MAX: variants seen among roughly 807,000 people sequenced by gnomAD.
MAX encodes protein max.
Under a neutral mutation model 22.3 loss-of-function variants are expected in MAX, and 3 were observed. That is an observed-to-expected ratio of 0.13 (90% confidence interval 0.06 to 0.35). The LOEUF (loss-of-function observed/expected upper bound fraction) is 0.35. MAX is among the 10% of genes least tolerant of loss of function. MAX has a pLI of 1.00. For synonymous variants in MAX, 72 were observed against 77.7 expected, an observed-to-expected ratio of 0.93 and a Z score of 0.39; for missense variants, 119 against 209.4, an observed-to-expected ratio of 0.57 and a Z score of 2.66.
intron 3 of MAX, among the ~76,000 whole-genome samples, chr14:65,024,208 A>C (rs895481618): frequency 3.9e-5 from 6 of 152,220 alleles, no homozygotes; most frequent in African/African-American, 1.2e-4. Flanking sequence ...AAGTTTGAGA[A>C]GCACTGATAC....
rs1240967361 is a variant in MAX, at chr14:65,012,054, A to G, written c.172-5770T>C. On this transcript the variant is annotated intron_variant, in intron 3 of 3. Coordinates refer to the MAX transcript ENST00000341653. The surrounding 1 kb of genome is among the most constrained non-coding windows in gnomAD (Gnocchi z 5.0). ...CTCATTGCGGCTTTTCCGTTAGCCC[A>G]AAGTCACTGCCTTTAGGAGACAATC... The G allele has an allele frequency of 7.5e-6, 3 of 398,900 alleles. No homozygotes were observed. The highest frequency in any genetic ancestry group is 5.5e-5 in the South Asian group (2 of 36,434). 24.7% of individuals were successfully genotyped at this position (398,900 alleles called of 1,614,324 possible).
chr14:65,023,413 C>T lies in MAX; in HGVS notation c.172-17129G>A, dbSNP rs1053443260. ...TCACCTAAGAGTCCCAAGTAAACTC[C>T]TTATAAGGCTGAGAGGCAATCGCTG... On this transcript the variant is annotated intron_variant, in intron 3 of 3. Transcript: ENST00000341653. This position sits in a 1 kb window ranked among gnomAD's most constrained non-coding sequence, Gnocchi z 4.1. Among the ~76,000 whole-genome samples, 16 of 152,178 alleles carry T rather than the reference C, an allele frequency of 1.1e-4. No individual in the cohort carries two copies. Among genetic ancestry groups the T allele is most frequent in the African/African-American group, 3.6e-4 (15 of 41,442 alleles).
chr14:65,094,611 C>A (rs979063865), intron 2 of MAX, among the ~76,000 whole-genome samples: 4 of 152,222 alleles, frequency 2.6e-5, no homozygotes, highest in Non-Finnish European at 4.4e-5. Context: ...ATCTAAATAT[C>A]CAAGTCAAAG....
At chr14:65,095,170 A>C (rs527540179) in intron 2 of MAX, among the ~76,000 whole-genome samples, 2 of 152,380 alleles carry the variant, frequency 1.3e-5, no homozygotes, top group East Asian at 3.9e-4. Context: ...ACCTGTAGTC[A>C]TCTGAGTTAC....
intron 3 of MAX, among the ~76,000 whole-genome samples, chr14:65,080,013 T>G (rs1027159903): frequency 1.3e-5 from 2 of 152,184 alleles, no homozygotes; most frequent in Non-Finnish European, 2.9e-5. Context: ...TACTATCTAG[T>G]TGAGGAGATA....
rs2063039168 is a variant in MAX, at chr14:65,075,669, C to T, written c.*807G>A. ...AAATATCAAAACATCATCACTGGCC[C>T]TCAATACAAAACCTCTATGCCACCC... On this transcript the variant is annotated 3_prime_UTR_variant, in exon 5 of 5. Coordinates refer to ENST00000358664, the MANE Select transcript of MAX (RefSeq NM_002382.5). This position sits in a 1 kb window ranked among gnomAD's most constrained non-coding sequence, Gnocchi z 4.1. The T allele has an allele frequency of 9.4e-7, 1 of 1,066,502 alleles. No individual in the cohort carries two copies. The highest frequency in any genetic ancestry group is 1.1e-6 in the Non-Finnish European group (1 of 879,810). 66.1% of individuals were successfully genotyped at this position (1,066,502 alleles called of 1,614,324 possible). A position where few individuals can be genotyped will look rare whatever the true frequency, so the allele number is the denominator to read the frequency against.
At chr14:65,059,635 G>A (rs1033469852) in intron 3 of MAX, among the ~76,000 whole-genome samples, 13 of 151,996 alleles carry the variant, frequency 8.6e-5, no homozygotes, top group African/African-American at 3.1e-4. Flanking sequence ...CTGCAGTTGT[G>A]TCCCCTTCTT....
chr14:65,019,329 A>C (rs897257821), intron 3 of MAX, among the ~76,000 whole-genome samples: 7 of 152,004 alleles, frequency 4.6e-5, no homozygotes, highest in Admixed American at 2.0e-4. Flanking sequence ...TCTACTAAAA[A>C]TACAAAAAAT....
At position 65,096,914 on chromosome 14, in the gene MAX, T is replaced by A. The variant is rs534072771; in HGVS notation, c.64-3099A>T. Among the ~76,000 whole-genome samples, 107 of 152,296 alleles carry A rather than the reference T, an allele frequency of 7.0e-4. 1 individual carries two copies. Among genetic ancestry groups the A allele is most frequent in the African/African-American group, 2.5e-3 (105 of 41,544 alleles). On this transcript the variant is annotated intron_variant, in intron 2 of 4. Transcript: ENST00000358664. ...ACATCTCCCCTACACATCCTATGGT[T>A]ACAGTGGCTGGATGCTGCCCACTCT...
chr14:65,016,345 A>C (rs562355970), intron 3 of MAX, among the ~76,000 whole-genome samples: 7 of 152,344 alleles, frequency 4.6e-5, no homozygotes, highest in Admixed American at 3.9e-4. Context: ...TTATATATTA[A>C]AGAAGAAAAG....
chr14:65,053,234 A>G, intron 3 of MAX: 1 of 1,372,890 alleles, frequency 7.3e-7, no homozygotes, highest in Non-Finnish European at 9.5e-7. Context: ...TTGCCCTTCA[A>G]CAGGTGACCC....
rs1184961445 is a variant in MAX, at chr14:65,029,174, TAC to T, written c.172-22892_172-22891del. ...GCCATTCGTGCCCGTGCTTTCTATT[TAC>T]ATAAAGGATTAAAGATATGAATGAT... On this transcript the variant is annotated intron_variant, in intron 3 of 3. Coordinates refer to the MAX transcript ENST00000341653. The surrounding 1 kb of genome is among the most constrained non-coding windows in gnomAD (Gnocchi z 4.7). Among the ~76,000 whole-genome samples, 2 of 152,232 alleles carry T rather than the reference TAC, an allele frequency of 1.3e-5. No individual in the cohort carries two copies. Among genetic ancestry groups the T allele is most frequent in the Non-Finnish European group, 2.9e-5 (2 of 68,032 alleles).
intron 1 of MAX, chr14:65,101,773 C>G: frequency 1.7e-6 from 1 of 595,544 alleles, no homozygotes; most frequent in South Asian, 2.1e-5. Flanking sequence ...GGGTCCCGAG[C>G]GCCGCCCCTC....
At chr14:65,098,331 G>A (rs1383319218) in intron 2 of MAX, among the ~76,000 whole-genome samples, 1 of 152,142 alleles carries the variant, frequency 6.6e-6, no homozygotes, top group Non-Finnish European at 1.5e-5. Flanking sequence ...AGGCTACCAA[G>A]CTCGTTCTCT....
intron 1 of MAX, 172 bp from the exon 2 acceptor site, chr14:65,101,744 A>C: frequency 1.7e-6 from 1 of 573,536 alleles, no homozygotes; most frequent in Non-Finnish European, 3.0e-6. Context: ...CCTCGGCGGG[A>C]TCCGGTAGCA....
intron 3 of MAX, chr14:65,040,812 A>C (rs2062334978): frequency 6.2e-7 from 1 of 1,613,308 alleles, no homozygotes; most frequent in Admixed American, 1.7e-5. Flanking sequence ...GGAAGGTGGC[A>C]TTGGCGGGGT....
rs1359609433 is a variant in MAX, at chr14:65,027,058, C to G, written c.172-20774G>C. ...ACCATGTTTTGGCAAAATTCAAAGGCTGGGAGGTTCCCAAAGGCAAGGAGG... is the reference window on the plus strand; with the variant it reads ...ACCATGTTTTGGCAAAATTCAAAGGGTGGGAGGTTCCCAAAGGCAAGGAGG... On this transcript the variant is annotated intron_variant, in intron 3 of 3. Coordinates refer to the MAX transcript ENST00000341653. This position sits in a 1 kb window ranked among gnomAD's most constrained non-coding sequence, Gnocchi z 5.7. Among the ~76,000 whole-genome samples the G allele has an allele frequency of 1.3e-5, 2 of 152,040 alleles. No homozygotes were observed. The highest frequency in any genetic ancestry group is 4.8e-5 in the African/African-American group (2 of 41,398).
chr14:65,013,771 C>T (rs2061723182), intron 3 of MAX, among the ~76,000 whole-genome samples: 1 of 152,214 alleles, frequency 6.6e-6, no homozygotes, highest in South Asian at 2.1e-4. Flanking sequence ...TGGTCTCGAG[C>T]TCCTGACCTC....
At chr14:65,006,353 C>A in intron 3 of MAX, 3 of 1,597,380 alleles carry the variant, frequency 1.9e-6, no homozygotes, top group Non-Finnish European at 2.6e-6. Flanking sequence ...TAAACCAAAT[C>A]TCTGCATTAA....
Sources: gnomAD v4.1 joint callset for allele counts (sites outside exome capture counted in the v4.1 genomes callset) on GRCh38, gnomAD v4.1.1 for gene constraint, Gnocchi (gnomAD v3.1) non-coding constraint, MANE v1.5 for transcripts, NCBI Gene and HGNC (gene_info 2026-07-23, HGNC 2026-07-21) for gene names.